The following SOX5 variants were observed in gnomAD, a reference collection of about 807,000 sequenced individuals.
SOX5 encodes the protein transcription factor SOX-5.
Under a neutral mutation model 92.0 loss-of-function variants are expected in SOX5, and 9 were observed. That is an observed-to-expected ratio of 0.10 (90% CI 0.06 to 0.17). The LOEUF (loss-of-function observed/expected upper bound fraction) is 0.17, where lower values mean the gene tolerates loss of function less well. Ranked by LOEUF, SOX5 falls within the 10% of genes least tolerant of loss-of-function variation. The pLI is 1.00. For missense variants in SOX5, 642 were observed against 944.5 expected (o/e 0.68, Z 4.20); for synonymous variants, 344 against 336.3 (o/e 1.02, Z -0.25).
chr12:23,979,714 T>G lies in SOX5; in HGVS notation c.-1-83690A>C, dbSNP rs1290989064. Among the ~76,000 whole-genome samples the G allele has an allele frequency of 1.2e-3, 129 of 109,186 alleles. 1 individual carries two copies. The highest frequency in any genetic ancestry group is 4.5e-3 in the African/African-American group (126 of 28,160). The allele number at this position is 109,186 out of a possible 152,430, so 71.6% of individuals were successfully genotyped here. ...TATATATATGTTTTTTTTGTTTTTT[T>G]TTTTTTTTTTTTTTTTTTTTGGAGA... On this transcript the variant is annotated intron_variant, in intron 4 of 4. Transcript: ENST00000446891.
At chr12:24,530,980 A>C (rs1020457053) in intron 1 of SOX5, among the ~76,000 whole-genome samples, 2 of 152,184 alleles carry the variant, frequency 1.3e-5, no homozygotes, top group Non-Finnish European at 2.9e-5. Context: ...ATAAATCGGC[A>C]AAATTATGGC....
chr12:24,059,867 T>C (rs886262219), intron 4 of SOX5, among the ~76,000 whole-genome samples: 1 of 152,238 alleles, frequency 6.6e-6, no homozygotes, highest in Non-Finnish European at 1.5e-5. Context: ...GAGAAAGACA[T>C]GGTTCCCTTT....
intron 7 of SOX5, among the ~76,000 whole-genome samples, chr12:23,653,589 C>A (rs768056921): frequency 2.0e-5 from 3 of 152,070 alleles, no homozygotes; most frequent in Non-Finnish European, 4.4e-5. Context: ...TCTCACAGTT[C>A]TGGAGGCCGG....
chr12:24,098,762 C>A (rs1945730200), intron 4 of SOX5, among the ~76,000 whole-genome samples: 1 of 152,102 alleles, frequency 6.6e-6, no homozygotes, highest in Non-Finnish European at 1.5e-5. Flanking sequence ...CAGACTTGTG[C>A]AGCTCCTGAA....
chr12:24,360,563 A>T (rs1955427552), intron 2 of SOX5, among the ~76,000 whole-genome samples: 1 of 152,168 alleles, frequency 6.6e-6, no homozygotes, highest in Admixed American at 6.5e-5. Flanking sequence ...AAAAAAGCTA[A>T]TCTTATTATT....
intron 1 of SOX5, among the ~76,000 whole-genome samples, chr12:24,449,464 G>C (rs1941958151): frequency 6.6e-6 from 1 of 152,064 alleles, no homozygotes; most frequent in African/African-American, 2.4e-5. Flanking sequence ...TGGCCATTAA[G>C]GCACTCTTCA....
chr12:24,027,576 G>A (rs2136784526), intron 4 of SOX5, among the ~76,000 whole-genome samples: 1 of 152,070 alleles, frequency 6.6e-6, no homozygotes, highest in Admixed American at 6.6e-5. Flanking sequence ...AAGAGGCAGA[G>A]TAGTGGGATG....
intron 4 of SOX5, among the ~76,000 whole-genome samples, chr12:24,199,731 A>G (rs1957338451): frequency 6.6e-6 from 1 of 152,054 alleles, no homozygotes; most frequent in Non-Finnish European, 1.5e-5. Flanking sequence ...ATGGCAATTC[A>G]ATTCCTGCCT....
intron 3 of SOX5, among the ~76,000 whole-genome samples, chr12:24,239,706 C>T (rs1965199973): frequency 6.6e-6 from 1 of 152,078 alleles, no homozygotes; most frequent in Admixed American, 6.5e-5. Context: ...CAGTTTACAC[C>T]CAGAAGTGAA....
intron 12 of SOX5, among the ~76,000 whole-genome samples, chr12:23,543,688 G>A (rs55921229): frequency 0.14 from 21,049 of 152,068 alleles, 1,684 homozygotes; most frequent in African/African-American, 0.22. Context: ...GATGCAATTC[G>A]GAAAGAGGAT....
intron 11 of SOX5, among the ~76,000 whole-genome samples, chr12:23,552,436 C>T (rs544437357): frequency 5.9e-5 from 9 of 151,674 alleles, no homozygotes; most frequent in Non-Finnish European, 1.0e-4. Flanking sequence ...GAGCATCCTC[C>T]TATCCATTAA....
intron 3 of SOX5, among the ~76,000 whole-genome samples, chr12:23,794,658 G>C (rs1369139539): frequency 6.6e-6 from 1 of 152,062 alleles, no homozygotes; most frequent in Non-Finnish European, 1.5e-5. Flanking sequence ...TAAGAAGAAC[G>C]TTTAAAAACT....
chr12:24,012,408 G>T (rs78254590), intron 4 of SOX5, among the ~76,000 whole-genome samples: 21,318 of 152,032 alleles, frequency 0.14, 1,888 homozygotes, highest in Non-Finnish European at 0.2. Context: ...ATATGACACG[G>T]AAGTCCTACT....
chr12:24,464,892 G>T (rs542026934), intron 1 of SOX5, among the ~76,000 whole-genome samples: 10 of 152,186 alleles, frequency 6.6e-5, no homozygotes, highest in African/African-American at 1.4e-4. Context: ...GTATGGAAAA[G>T]CTCCTTTTCT....
At chr12:24,487,880 T>C (rs566879494) in intron 1 of SOX5, among the ~76,000 whole-genome samples, 24 of 151,982 alleles carry the variant, frequency 1.6e-4, no homozygotes, top group African/African-American at 5.5e-4. Context: ...AAACTTTCAA[T>C]AGAATTTTAG....
intron 1 of SOX5, among the ~76,000 whole-genome samples, chr12:24,420,946 G>A (rs1965817790): frequency 6.6e-6 from 1 of 152,122 alleles, no homozygotes; most frequent in African/African-American, 2.4e-5. Context: ...AATCCATACT[G>A]TGGGAAATTC....
At chr12:24,059,348 T>C (rs1017822640) in intron 4 of SOX5, among the ~76,000 whole-genome samples, 1 of 152,186 alleles carries the variant, frequency 6.6e-6, no homozygotes, top group Non-Finnish European at 1.5e-5. Flanking sequence ...ACCTGCTAAA[T>C]AGCCAATTTC....
rs542413457 is a variant in SOX5 at position 24,512,047 on chromosome 12, C to T, written c.-251+50282G>A. Reference sequence around the variant, plus strand: ...ATATTAAATCAATTACTGTTAAAAACAATGAAGTACCACTATTTAAATCTA... The same window carrying T: ...ATATTAAATCAATTACTGTTAAAAATAATGAAGTACCACTATTTAAATCTA... On this transcript the variant is annotated intron_variant, in intron 1 of 4. Transcript: ENST00000446891. 4.0e-4 allele frequency among the ~76,000 whole-genome samples: 60 copies of T among 150,998 alleles called. No individual in the cohort carries two copies. The South Asian group carries it at 7.1e-3, about 18-fold the overall frequency.
intron 4 of SOX5, among the ~76,000 whole-genome samples, chr12:24,105,568 A>C (rs1946580526): frequency 6.6e-6 from 1 of 152,150 alleles, no homozygotes; most frequent in African/African-American, 2.4e-5. Flanking sequence ...ATCAATAAAC[A>C]AACAAACCCA....
Sources: gnomAD v4.1 joint callset for allele counts (sites outside exome capture counted in the v4.1 genomes callset) on GRCh38, gnomAD v4.1.1 for gene constraint, MANE v1.5 for transcripts, NCBI Gene and HGNC (gene_info 2026-07-23, HGNC 2026-07-21) for gene names.